ANG: variants seen among roughly 807,000 people sequenced by gnomAD.
The protein encoded by ANG is angiogenin, also known as Homo sapiens epididymis luminal protein 168.
For missense variants in ANG, 178 were observed against 187.4 expected, an observed-to-expected ratio of 0.95 and a Z score of 0.29; for synonymous variants, 74 against 73.8, an observed-to-expected ratio of 1.00 and a Z score of -0.02.
chr14:20,685,793 G>A (rs1197367567), upstream of ANG, among the ~76,000 whole-genome samples: 2 of 152,102 alleles, frequency 1.3e-5, no homozygotes, highest in Non-Finnish European at 2.9e-5. Flanking sequence ...TGTAATCCCA[G>A]CACTTTGGGA....
At position 20,692,055 on chromosome 14, in the gene ANG, A is replaced by G. The variant is rs773363994; in HGVS notation, c.-18-1492A>G. Among the ~76,000 whole-genome samples the G allele has an allele frequency of 5.4e-4, 82 of 152,218 alleles. 1 individual carries two copies. The highest frequency in any genetic ancestry group is 9.2e-4 in the Admixed American group (14 of 15,290). The stretch of plus-strand genomic sequence containing the variant: ...GGCTACAGAACTATTTGATACGAAA[A>G]TGTTCATTGACTTACACACAAGAGA... On this transcript the variant is annotated intron_variant, in intron 1 of 1. Transcript: ENST00000397990.
upstream of ANG, among the ~76,000 whole-genome samples, chr14:20,685,548 CAG>C (rs1242209995): frequency 1.3e-5 from 2 of 152,186 alleles, no homozygotes. Context: ...TACTTAACCA[CAG>C]AGCCACTAAC....
At chr14:20,684,956 A>G (rs1050068924), upstream of ANG, among the ~76,000 whole-genome samples, 1 of 152,154 alleles carries the variant, frequency 6.6e-6, no homozygotes, top group Non-Finnish European at 1.5e-5. Context: ...ATTCCCACTC[A>G]GGTTTACTTT....
chr14:20,687,652 G>A (rs915249368), upstream of ANG, among the ~76,000 whole-genome samples: 2 of 152,208 alleles, frequency 1.3e-5, no homozygotes, highest in African/African-American at 2.4e-5. Context: ...GTTTCCTCAT[G>A]AGCAGAGCAT....
intron 1 of ANG, among the ~76,000 whole-genome samples, chr14:20,692,397 C>A (rs913232218): frequency 6.6e-6 from 1 of 152,222 alleles, no homozygotes; most frequent in Non-Finnish European, 1.5e-5. Context: ...TAGCTAGAAG[C>A]CTGTCGTAAA....
At chr14:20,691,733 T>C (rs1039480646) in intron 1 of ANG, among the ~76,000 whole-genome samples, 3 of 152,240 alleles carry the variant, frequency 2.0e-5, no homozygotes, top group Non-Finnish European at 4.4e-5. Context: ...TCCACAATAA[T>C]GGAGTAAATA....
chr14:20,693,695 G>A lies in ANG; in HGVS notation c.131G>A (p.Gly44Asp). 4.3e-6 allele frequency: 7 copies of A among 1,614,172 alleles called. No homozygotes were observed. The highest frequency in any genetic ancestry group is 5.9e-6 in the Non-Finnish European group (7 of 1,180,040). The change falls in exon 2 of 2, where the codon GGC (glycine) becomes GAC (aspartate). Residue 44 changes from glycine to aspartate, a missense_variant. Transcript: ENST00000397990. ...LTQHYDAKPQ[G>D]RDDRYCESIM... The stretch of plus-strand genomic sequence containing the variant: ...CAGCACTATGATGCCAAACCACAGG[G>A]CCGGGATGACAGATACTGTGAAAGC...
upstream of ANG, among the ~76,000 whole-genome samples, chr14:20,687,804 G>A (rs1178493692): frequency 6.6e-6 from 1 of 152,206 alleles, no homozygotes; most frequent in Admixed American, 6.5e-5. Context: ...CAGGCAGCCT[G>A]TCTTTTCTTG....
At chr14:20,691,484 G>A (rs950956232) in intron 1 of ANG, among the ~76,000 whole-genome samples, 1 of 152,192 alleles carries the variant, frequency 6.6e-6, no homozygotes, top group African/African-American at 2.4e-5. Flanking sequence ...GGGTGGCTTG[G>A]CAGCCCAGCA....
upstream of ANG, among the ~76,000 whole-genome samples, chr14:20,687,215 C>T (rs79377029): frequency 7.6e-3 from 1,150 of 152,244 alleles, 74 homozygotes; most frequent in East Asian, 0.15. Context: ...AGTAATTTTT[C>T]CCCCAAACCC....
chr14:20,693,452 C>T (rs1345801487), intron 1 of ANG, 95 bp from the exon 2 acceptor site: 2 of 1,509,604 alleles, frequency 1.3e-6, no homozygotes, highest in Non-Finnish European at 1.8e-6. Flanking sequence ...AGATCTGATT[C>T]ATGATGCCGT....
chr14:20,693,365 C>T (rs1464322362), intron 1 of ANG, 182 bp from the exon 2 acceptor site: 3 of 729,698 alleles, frequency 4.1e-6, no homozygotes, highest in East Asian at 2.7e-5. Context: ...ATTAAATAGA[C>T]GTTCCGCAGG....
At chr14:20,692,480 C>A (rs1264732590) in intron 1 of ANG, among the ~76,000 whole-genome samples, 1 of 152,252 alleles carries the variant, frequency 6.6e-6, no homozygotes, top group Non-Finnish European at 1.5e-5. Flanking sequence ...CGGTCTGTGG[C>A]CTGTCCGCCT....
intron 1 of ANG, among the ~76,000 whole-genome samples, chr14:20,689,864 C>A (rs1886622734): frequency 6.9e-6 from 1 of 143,976 alleles, no homozygotes; most frequent in Admixed American, 7.1e-5. Flanking sequence ...TGCAGTGAGC[C>A]AAGATAGCAC....
rs982170248 is a variant in ANG at position 20,693,673 on chromosome 14, C to A, written c.109C>A (p.His37Asn). The change falls in exon 2 of 2, where the codon CAC (histidine) becomes AAC (asparagine). Residue 37 changes from histidine (H) to asparagine (N), a missense_variant. His to Asn is a moderately conservative substitution (Grantham distance 68). Coordinates refer to ENST00000397990, the MANE Select transcript of ANG (RefSeq NM_001097577.3). ...NSRYTHFLTQ[H>N]YDAKPQGRDD... Reference sequence around the variant, plus strand: ...CAGGTACACACACTTCCTGACCCAGCACTATGATGCCAAACCACAGGGCCG... The same window carrying A: ...CAGGTACACACACTTCCTGACCCAGAACTATGATGCCAAACCACAGGGCCG... 2 of 1,614,186 alleles carry A rather than the reference C, an allele frequency of 1.2e-6. No individual in the cohort carries two copies. The highest frequency in any genetic ancestry group is 1.7e-6 in the Non-Finnish European group (2 of 1,180,034).
Position 20,693,954 on chromosome 14 carries a change from T to C in ANG, c.390T>C (p.Ala130=), listed in dbSNP as rs1886966321. 6.2e-7 allele frequency: 1 copy of C among 1,614,120 alleles called. No individual in the cohort carries two copies. Among genetic ancestry groups the C allele is most frequent in the Non-Finnish European group, 8.5e-7 (1 of 1,180,024 alleles). ...ATAGFRNVVV[A]CENGLPVHLD... Reference sequence around the variant, plus strand: ...CGGGGTTCAGAAACGTTGTTGTTGCTTGTGAAAATGGCTTACCTGTCCACT... The same window carrying C: ...CGGGGTTCAGAAACGTTGTTGTTGCCTGTGAAAATGGCTTACCTGTCCACT... Residue 130 remains alanine (A), a synonymous_variant, in exon 2 of 2, where the codon GCT becomes GCC. Transcript: ENST00000397990.
In ANG at chr14:20,690,905, G is replaced by T. The variant is rs184297073; in HGVS notation, c.-19+2031G>T. 4.0e-3 allele frequency among the ~76,000 whole-genome samples: 614 copies of T among 152,326 alleles called. 1 individual carries two copies. The highest frequency in any genetic ancestry group is 0.017 in the Middle Eastern group (5 of 294). On this transcript the variant is annotated intron_variant, in intron 1 of 1. Coordinates refer to ENST00000397990, the MANE Select transcript of ANG (RefSeq NM_001097577.3). ...TACTTCATTGTTCATCCACGATCAC[G>T]TGGGTAATGGCATGTTTGGAAATGG...
chr14:20,685,575 G>A (rs1016745093), upstream of ANG, among the ~76,000 whole-genome samples: 42 of 152,174 alleles, frequency 2.8e-4, no homozygotes, highest in Admixed American at 2.7e-3. Context: ...TTTGCAAGAG[G>A]ATAGGTTTAT....
rs751353259 is a variant in ANG at position 20,693,657 on chromosome 14, A to G, written c.93A>G (p.Thr31=). 1.2e-6 allele frequency: 2 copies of G among 1,614,112 alleles called. No homozygotes were observed. The highest frequency in any genetic ancestry group is 3.3e-5 in the Admixed American group (2 of 60,020). ...TGGCTCAGGATAACTCCAGGTACAC[A>G]CACTTCCTGACCCAGCACTATGATG... ...PTLAQDNSRY[T]HFLTQHYDAK... Residue 31 remains threonine (T), a synonymous_variant, in exon 2 of 2, where the codon ACA becomes ACG. Coordinates refer to ENST00000397990, the MANE Select transcript of ANG (RefSeq NM_001097577.3).
Sources: gnomAD v4.1 joint callset for allele counts (sites outside exome capture counted in the v4.1 genomes callset) on GRCh38, gnomAD v4.1.1 for gene constraint, MANE v1.5 for transcripts, NCBI Gene and HGNC (gene_info 2026-07-23, HGNC 2026-07-21) for gene names.